The following DMRTC2 variants were observed in gnomAD, a reference collection of about 807,000 sequenced individuals.
DMRTC2 encodes DMRT like family C2, also known as doublesex- and mab-3-related transcription factor C2.
In DMRTC2, 13 loss-of-function variants were observed where a neutral mutation model predicts 39.9. The ratio of observed to expected loss-of-function variants is 0.33; its 90% confidence interval spans 0.21 to 0.52. DMRTC2 has a LOEUF of 0.52. Among genes scored for constraint, DMRTC2 ranks in the 20% least tolerant of loss-of-function variants. The pLI is 0.96. For missense variants in DMRTC2, 431 were observed against 472.8 expected (o/e 0.91, Z 0.82); for synonymous variants, 189 against 185.2 (o/e 1.02, Z -0.17).
Position 41,847,586 on chromosome 19 carries a change from A to G in DMRTC2, c.158A>G (p.His53Arg). The change falls in exon 2 of 9, where the codon CAT (histidine) becomes CGT (arginine). Residue 53 changes from histidine (H) to arginine (R), a missense_variant. By Grantham distance (29) the His-to-Arg change is conservative (BLOSUM62 0). Coordinates refer to ENST00000269945, the MANE Select transcript of DMRTC2 (RefSeq NM_001040283.3). ...ARCRNHGVTA[H>R]LKGHKRLCLF... Reference sequence around the variant, plus strand: ...TGCCGCAACCATGGTGTCACCGCCCATCTCAAGGGCCACAAGCGCCTCTGC... The same window carrying G: ...TGCCGCAACCATGGTGTCACCGCCCGTCTCAAGGGCCACAAGCGCCTCTGC... 1.2e-6 allele frequency: 2 copies of G among 1,614,176 alleles called. No individual in the cohort carries two copies. The highest frequency in any genetic ancestry group is 1.7e-6 in the Non-Finnish European group (2 of 1,180,040).
intron 6 of DMRTC2, chr19:41,850,096 C>T: frequency 2.3e-6 from 1 of 430,848 alleles, no homozygotes; most frequent in Non-Finnish European, 4.1e-6. Context: ...AAAAAAGACA[C>T]TAGTGATTTC....
intron 4 of DMRTC2, 123 bp downstream of exon 4, chr19:41,848,651 A>G (rs942734911): frequency 9.1e-5 from 133 of 1,461,332 alleles, no homozygotes; most frequent in Non-Finnish European, 1.2e-4. Context: ...ATCTAGTCAA[A>G]TCACTGCTCT....
chr19:41,850,207 C>T (rs563984993), intron 6 of DMRTC2, 105 bp from the exon 7 acceptor site: 3 of 955,688 alleles, frequency 3.1e-6, no homozygotes, highest in African/African-American at 1.7e-5. Flanking sequence ...CCAGCAGGCT[C>T]TCAGATTCCC....
chr19:41,850,471 A>G, intron 7 of DMRTC2, 55 bp from the exon 8 acceptor site: 1 of 1,587,502 alleles, frequency 6.3e-7, no homozygotes, highest in South Asian at 1.1e-5. Context: ...AGGAACACTT[A>G]GAGGGTGGGC....
At chr19:41,848,275 G>C (rs2073897009) in intron 3 of DMRTC2, among the ~76,000 whole-genome samples, 177 bp from the exon 4 acceptor site, 1 of 152,210 alleles carries the variant, frequency 6.6e-6, no homozygotes, top group South Asian at 2.1e-4. Context: ...GAACCCAGGA[G>C]GCGGAGGTTG....
At chr19:41,849,800 TG>T (rs1459449602) in intron 6 of DMRTC2, among the ~76,000 whole-genome samples, 1 of 152,000 alleles carries the variant, frequency 6.6e-6, no homozygotes, top group African/African-American at 2.4e-5. Flanking sequence ...CGGCATCAGG[TG>T]GGGCCTGGTG....
At chr19:41,848,665 C>T in intron 4 of DMRTC2, 130 bp from the exon 5 acceptor site, 2 of 1,512,670 alleles carry the variant, frequency 1.3e-6, no homozygotes, top group Non-Finnish European at 1.8e-6. Context: ...CTGCTCTTCT[C>T]TAGGCAAAAT....
chr19:41,849,849 G>A (rs997008747), intron 6 of DMRTC2, among the ~76,000 whole-genome samples: 6 of 152,220 alleles, frequency 3.9e-5, no homozygotes, highest in African/African-American at 1.2e-4. Flanking sequence ...GGAGGCTGAG[G>A]TGGGAGGATT....
chr19:41,848,968 C>G lies in DMRTC2; in HGVS notation c.621C>G (p.Pro207=), dbSNP rs367552578. ...LYQEPAVSLP[P]FPGFDPGTSL... is the part of the protein sequence containing the mutation. ...AAGAACCTGCTGTCTCTCTGCCTCC[C>G]TTCCCTGGTAAGATGATAATTCAAC... Residue 207 remains proline, a synonymous_variant, in exon 5 of 9, where the codon CCC becomes CCG. Coordinates refer to ENST00000269945, the MANE Select transcript of DMRTC2 (RefSeq NM_001040283.3). 1.9e-6 allele frequency: 3 copies of G among 1,614,012 alleles called. No homozygotes were observed. The African/African-American group carries it at 4.0e-5, about 22-fold the overall frequency.
chr19:41,848,865 C>T lies in DMRTC2; in HGVS notation c.518C>T (p.Pro173Leu). 6.2e-7 allele frequency: 1 copy of T among 1,612,738 alleles called. No homozygotes were observed. The highest frequency in any genetic ancestry group is 8.5e-7 in the Non-Finnish European group (1 of 1,180,036). ...CCCTTGTCCTGGACTCCGGTGCCTC[C>T]TGGCCCTTGGGTCCCTGGACACTGG... ...ASPLSWTPVP[P>L]GPWVPGHWLP... The change falls in exon 5 of 9, where the codon CCT (proline) becomes CTT (leucine). Residue 173 changes from proline to leucine, a missense_variant. Physicochemically the swap from Pro to Leu is moderately conservative, Grantham distance 98. Transcript: ENST00000269945.
At chr19:41,849,105 C>T in intron 5 of DMRTC2, 25 bp from the exon 6 acceptor site, 4 of 1,614,038 alleles carry the variant, frequency 2.5e-6, no homozygotes, top group Non-Finnish European at 3.4e-6. Flanking sequence ...CCCCTATACA[C>T]TCTGCATTCT....
In DMRTC2 at chr19:41,850,400, C is replaced by T. The variant is rs1363262327; in HGVS notation, c.816+28C>T. ...CCTGGGAAAGAAGTGGGATCTAGGG[C>T]CCTGGGAGGAGGTTGAGCCTGGGGA... On this transcript the variant is annotated intron_variant, in intron 7 of 8. Transcript: ENST00000269945. The T allele has an allele frequency of 3.8e-6, 6 of 1,561,118 alleles. No homozygotes were observed. The African/African-American group carries it at 5.5e-5, about 14-fold the overall frequency.
chr19:41,848,756 C>T lies in DMRTC2; in HGVS notation c.448-39C>T, dbSNP rs369439503. Reference sequence around the variant, plus strand: ...AGAATACACTCAATCCTTTTCCAGCCTTGTACCCAACTCCAGCCTGTGCCC... The same window carrying T: ...AGAATACACTCAATCCTTTTCCAGCTTTGTACCCAACTCCAGCCTGTGCCC... On this transcript the variant is annotated intron_variant, in intron 4 of 8. Transcript: ENST00000269945. The T allele has an allele frequency of 8.9e-5, 143 of 1,606,366 alleles. No homozygotes were observed. In the African/African-American group the frequency reaches 1.7e-3, roughly 19 times the overall value.
At position 41,848,619 on chromosome 19, in the gene DMRTC2, C is replaced by G. The variant is rs2073904180; in HGVS notation, c.447+91C>G. On this transcript the variant is annotated intron_variant, in intron 4 of 8. Transcript: ENST00000269945. ...GTGCCCTCAACACCTGGGTTCTAGC[C>G]CCAGCCCTGGTTTGCTATGTAATCT... The G allele has an allele frequency of 4.3e-6, 6 of 1,387,222 alleles. No individual in the cohort carries two copies. In the South Asian group the frequency reaches 7.6e-5, roughly 18 times the overall value. The allele number at this position is 1,387,222 out of a possible 1,614,324, so 85.9% of individuals were successfully genotyped here. A position where few individuals can be genotyped will look rare whatever the true frequency, so the allele number is the denominator to read the frequency against.
intron 1 of DMRTC2, 175 bp from the exon 2 acceptor site, chr19:41,847,250 A>G (rs1555836166): frequency 1.0e-6 from 1 of 984,624 alleles, no homozygotes; most frequent in East Asian, 1.1e-4. Context: ...CTGAAGAAGG[A>G]AGATACCTGA....
chr19:41,848,464 A>G lies in DMRTC2; in HGVS notation c.383A>G (p.Asn128Ser), dbSNP rs782351637. ...TGGTCCTTCACAGCTGGAAAGGAGA[A>G]CATAGCACCCCAGCCTCAGACCCCC... is the stretch of plus-strand genomic sequence containing the variant. ...TQPQVPSGKE[N>S]IAPQPQTPHG... Residue 128 changes from asparagine (N) to serine (S), a missense_variant, in exon 4 of 9, where the codon AAC (asparagine) becomes AGC (serine). By Grantham distance (46) the Asn-to-Ser change is conservative. Transcript: ENST00000269945. 6.2e-7 allele frequency: 1 copy of G among 1,604,422 alleles called. No homozygotes were observed. Among genetic ancestry groups the G allele is most frequent in the Non-Finnish European group, 8.5e-7 (1 of 1,175,566 alleles).
In DMRTC2 at chr19:41,852,068, G is replaced by A. The variant is rs1206371494; in HGVS notation, c.*372G>A. ...TGTAAATGCCTATGCATTCATGTCT[G>A]TCTCCATGCATGTGAAAACAGGAGA... On this transcript the variant is annotated 3_prime_UTR_variant, in exon 9 of 9. Coordinates refer to ENST00000269945, the MANE Select transcript of DMRTC2 (RefSeq NM_001040283.3). 5.3e-6 allele frequency: 1 copy of A among 189,062 alleles called. No homozygotes were observed. The highest frequency in any genetic ancestry group is 1.1e-5 in the Non-Finnish European group (1 of 91,414). The allele number at this position is 189,062 out of a possible 1,614,324, so 11.7% of individuals were successfully genotyped here.
In DMRTC2 at chr19:41,848,839, G is replaced by A. The variant is rs570158158; in HGVS notation, c.492G>A (p.Ser164=). Residue 164 remains serine, a synonymous_variant, in exon 5 of 9, where the codon TCG becomes TCA. Transcript: ENST00000269945. Reference sequence around the variant, plus strand: ...TGCTCAGCCATCCCCCGGAAGCCTCGCCCTTGTCCTGGACTCCGGTGCCTC... The same window carrying A: ...TGCTCAGCCATCCCCCGGAAGCCTCACCCTTGTCCTGGACTCCGGTGCCTC... ...PLLLSHPPEA[S]PLSWTPVPPG... 62 of 1,610,968 alleles carry A rather than the reference G, an allele frequency of 3.8e-5. No individual in the cohort carries two copies. The highest frequency in any genetic ancestry group is 8.0e-5 in the African/African-American group (6 of 74,886).
rs1482573767 is a variant in DMRTC2 at position 41,850,557 on chromosome 19, C to T, written c.848C>T (p.Ser283Phe). 1 of 1,613,396 alleles carries T rather than the reference C, an allele frequency of 6.2e-7. No individual in the cohort carries two copies. Among genetic ancestry groups the T allele is most frequent in the African/African-American group, 1.3e-5 (1 of 74,818 alleles). The stretch of plus-strand genomic sequence containing the variant: ...GGAGCCTCGTGCCTGGCCCGGACAT[C>T]TGGCCCCTCAGAGTGGCAGCTGCAG... ...ASGASCLART[S>F]GPSEWQLQQE... Residue 283 changes from serine to phenylalanine, a missense_variant, in exon 8 of 9, where the codon TCT becomes TTT. Physicochemically the swap from Ser to Phe is radical, Grantham distance 155. Transcript: ENST00000269945.
Sources: gnomAD v4.1 joint callset for allele counts (sites outside exome capture counted in the v4.1 genomes callset) on GRCh38, gnomAD v4.1.1 for gene constraint, MANE v1.5 for transcripts, NCBI Gene and HGNC (gene_info 2026-07-23, HGNC 2026-07-21) for gene names.